LRBA: variants seen among roughly 807,000 people sequenced by gnomAD.
The protein encoded by LRBA is lipopolysaccharide-responsive and beige-like anchor protein.
LRBA carries 176 observed loss-of-function variants against 330.0 expected under a neutral mutation model. The observed-to-expected ratio is 0.53, with a 90% CI of 0.47 to 0.60. LRBA has a LOEUF of 0.60. LRBA is among the 20% of genes least tolerant of loss of function. The pLI, the probability that LRBA is intolerant of heterozygous loss-of-function variation, is 0.00. For synonymous variants in LRBA, 1,230 were observed against 1,193.0 expected, an observed-to-expected ratio of 1.03 and a Z score of -0.64; for missense variants, 3,259 against 3,444.8, an observed-to-expected ratio of 0.95 and a Z score of 1.35.
chr4:150,406,277 T>C (rs113536278), intron 47 of LRBA, among the ~76,000 whole-genome samples: 19 of 152,266 alleles, frequency 1.2e-4, no homozygotes, highest in African/African-American at 4.3e-4. Flanking sequence ...CTCTACTAGA[T>C]GAGATTTCTT....
In LRBA at chr4:150,795,641, T is replaced by C. The variant is rs186057274; in HGVS notation, c.5580+2440A>G. Among the ~76,000 whole-genome samples the C allele has an allele frequency of 1.4e-3, 214 of 152,070 alleles. 1 individual carries two copies. Among genetic ancestry groups the C allele is most frequent in the Non-Finnish European group, 2.4e-3 (162 of 67,850 alleles). ...ATTTTGCCTAAACAATATTAACATT[T>C]AAATAGACTAAAATATGAAATGGTG... On this transcript the variant is annotated intron_variant, in intron 34 of 56. Transcript: ENST00000651943.
At chr4:150,501,387 G>C (rs929306165) in intron 40 of LRBA, among the ~76,000 whole-genome samples, 3 of 152,148 alleles carry the variant, frequency 2.0e-5, no homozygotes, top group Admixed American at 1.3e-4. Context: ...CAAGGTGGGA[G>C]AATCACTTGA....
intron 34 of LRBA, among the ~76,000 whole-genome samples, chr4:150,778,810 G>T (rs980544376): frequency 6.6e-6 from 1 of 152,162 alleles, no homozygotes; most frequent in African/African-American, 2.4e-5. Context: ...CAGACATATG[G>T]CAATTGCTGC....
chr4:150,303,925 C>T (rs997318021), intron 52 of LRBA, among the ~76,000 whole-genome samples: 2 of 152,308 alleles, frequency 1.3e-5, no homozygotes, highest in East Asian at 1.9e-4. Flanking sequence ...TAGTAATTCA[C>T]ACAAACTTGT....
At chr4:150,618,552 T>G (rs1439961450) in intron 37 of LRBA, among the ~76,000 whole-genome samples, 1 of 152,166 alleles carries the variant, frequency 6.6e-6, no homozygotes, top group Non-Finnish European at 1.5e-5. Flanking sequence ...AGTTTTTTAT[T>G]TTTTAAAGTT....
chr4:150,816,963 A>G (rs1744686361), intron 31 of LRBA, among the ~76,000 whole-genome samples, 161 bp downstream of exon 31: 1 of 151,994 alleles, frequency 6.6e-6, no homozygotes, highest in African/African-American at 2.4e-5. Flanking sequence ...AATTTCTTTT[A>G]ATTTTACTCA....
chr4:150,622,164 GC>G (rs1354226030), intron 37 of LRBA, among the ~76,000 whole-genome samples: 3 of 152,166 alleles, frequency 2.0e-5, no homozygotes, highest in African/African-American at 7.2e-5. Context: ...GTTTTATAAT[GC>G]AATGGCCTGT....
At chr4:150,787,475 T>A (rs1270253294) in intron 34 of LRBA, among the ~76,000 whole-genome samples, 1 of 152,230 alleles carries the variant, frequency 6.6e-6, no homozygotes, top group Non-Finnish European at 1.5e-5. Context: ...CACCTTTTAC[T>A]AGTTAAAAAC....
chr4:150,885,620 CA>C (rs920814190), intron 17 of LRBA, among the ~76,000 whole-genome samples: 272 of 143,416 alleles, frequency 1.9e-3, no homozygotes, highest in African/African-American at 6.7e-3. Context: ...GACTCTGTCT[CA>C]AAAAAAAAAG....
intron 33 of LRBA, among the ~76,000 whole-genome samples, chr4:150,799,776 G>A (rs1208484858): frequency 6.6e-6 from 1 of 151,862 alleles, no homozygotes; most frequent in Admixed American, 6.6e-5. Context: ...ACGTTGTCTC[G>A]CTCTGTCACC....
chr4:150,917,828 G>A (rs1293999146), intron 5 of LRBA, among the ~76,000 whole-genome samples: 1 of 151,768 alleles, frequency 6.6e-6, no homozygotes, highest in Admixed American at 6.6e-5. Context: ...ACTCAGGAGG[G>A]TGAGGCAGGA....
rs1377552262 is a variant in LRBA at position 150,651,388 on chromosome 4, T to C, written c.5921+32163A>G. Among the ~76,000 whole-genome samples the C allele has an allele frequency of 3.3e-5, 5 of 152,172 alleles. No individual in the cohort carries two copies. The East Asian group carries it at 9.6e-4, about 29-fold the overall frequency. ...CCCAACACCATCACAGTACCTGGCATAGATAAGTACTTAAGTATTAATTGA... is the reference window on the plus strand; with the variant it reads ...CCCAACACCATCACAGTACCTGGCACAGATAAGTACTTAAGTATTAATTGA... On this transcript the variant is annotated intron_variant, in intron 37 of 56. Transcript: ENST00000651943.
Position 150,804,086 on chromosome 4 carries a change from C to T in LRBA, c.5518+2185G>A, listed in dbSNP as rs553526017. The stretch of plus-strand genomic sequence containing the variant: ...TAAAAAAAAAGTTTCATATATGAAA[C>T]ATAAATTAGGGAAAAGCCCTGAAAT... On this transcript the variant is annotated intron_variant, in intron 33 of 56. Transcript: ENST00000651943. Among the ~76,000 whole-genome samples the T allele has an allele frequency of 3.3e-5, 5 of 152,072 alleles. No homozygotes were observed. In the South Asian group the frequency reaches 6.2e-4, roughly 19 times the overall value.
chr4:150,591,422 A>G (rs1180399990), intron 38 of LRBA, among the ~76,000 whole-genome samples: 1 of 152,146 alleles, frequency 6.6e-6, no homozygotes, highest in Non-Finnish European at 1.5e-5. Context: ...CAAAGCTGCA[A>G]TCTCTTCTTT....
chr4:150,453,471 T>G (rs1038611110), intron 44 of LRBA, among the ~76,000 whole-genome samples: 3 of 152,118 alleles, frequency 2.0e-5, no homozygotes, highest in African/African-American at 7.2e-5. Flanking sequence ...CACAAAAAAA[T>G]GAACCTTAAC....
intron 40 of LRBA, among the ~76,000 whole-genome samples, chr4:150,525,636 G>A (rs2152183175): frequency 6.6e-6 from 1 of 152,224 alleles, no homozygotes; most frequent in African/African-American, 2.4e-5. Flanking sequence ...CATGGCACAG[G>A]CTTGAAAAAC....
At chr4:150,592,674 A>C (rs1773037928) in intron 38 of LRBA, among the ~76,000 whole-genome samples, 1 of 152,116 alleles carries the variant, frequency 6.6e-6, no homozygotes, top group African/African-American at 2.4e-5. Context: ...CTGCTCTGTC[A>C]CCCAGGCTGG....
At chr4:150,771,872 C>A (rs1213692325) in intron 34 of LRBA, among the ~76,000 whole-genome samples, 1 of 152,146 alleles carries the variant, frequency 6.6e-6, no homozygotes, top group Non-Finnish European at 1.5e-5. Flanking sequence ...CTAGTATCCA[C>A]AGAACAGGTG....
intron 40 of LRBA, among the ~76,000 whole-genome samples, chr4:150,508,420 C>G (rs1274925927): frequency 6.6e-6 from 1 of 151,762 alleles, no homozygotes; most frequent in Non-Finnish European, 1.5e-5. Flanking sequence ...GTAGCTGGGA[C>G]TAGGACTACA....
Sources: gnomAD v4.1 joint callset for allele counts (sites outside exome capture counted in the v4.1 genomes callset) on GRCh38, gnomAD v4.1.1 for gene constraint, MANE v1.5 for transcripts, NCBI Gene and HGNC (gene_info 2026-07-23, HGNC 2026-07-21) for gene names.